MCU: variants seen among roughly 807,000 people sequenced by gnomAD.
MCU encodes mitochondrial calcium uniporter.
In MCU, 12 loss-of-function variants were observed where a neutral mutation model predicts 45.2. The observed-to-expected ratio is 0.27, with a 90% CI of 0.17 to 0.43. The LOEUF is 0.43. Among genes scored for constraint, MCU ranks in the 20% least tolerant of loss-of-function variants. MCU has a pLI of 1.00. For missense variants in MCU, 324 were observed against 436.7 expected (o/e 0.74, Z 2.30); for synonymous variants, 160 against 165.1 (o/e 0.97, Z 0.24).
intron 2 of MCU, among the ~76,000 whole-genome samples, chr10:72,844,166 CA>C (rs1445237048): frequency 1.3e-5 from 2 of 152,110 alleles, no homozygotes; most frequent in African/African-American, 4.8e-5. Flanking sequence ...GCGGGCAGAT[CA>C]CCTTAGGTCA....
intron 2 of MCU, among the ~76,000 whole-genome samples, chr10:72,844,337 C>T (rs1178274844): frequency 1.3e-5 from 2 of 151,732 alleles, no homozygotes; most frequent in African/African-American, 2.4e-5. Flanking sequence ...CAGTGAGCCA[C>T]GATTGTGCCA....
chr10:72,878,427 G>A (rs948902637), intron 6 of MCU, among the ~76,000 whole-genome samples: 1 of 151,834 alleles, frequency 6.6e-6, no homozygotes, highest in African/African-American at 2.4e-5. Flanking sequence ...GGCCAGTTTT[G>A]CAGATATTAA....
intron 1 of MCU, among the ~76,000 whole-genome samples, chr10:72,719,847 C>A (rs1842998584): frequency 6.6e-6 from 1 of 152,134 alleles, no homozygotes; most frequent in Admixed American, 6.6e-5. Context: ...CTTATTCATT[C>A]TTTTAATTAT....
intron 1 of MCU, among the ~76,000 whole-genome samples, chr10:72,830,703 C>T (rs1844866142): frequency 6.6e-6 from 1 of 152,112 alleles, no homozygotes; most frequent in Non-Finnish European, 1.5e-5. Flanking sequence ...AATACAGACC[C>T]CATCTTCAGC....
At chr10:72,847,462 A>C (rs1342653256) in intron 2 of MCU, among the ~76,000 whole-genome samples, 2 of 152,220 alleles carry the variant, frequency 1.3e-5, no homozygotes, top group African/African-American at 4.8e-5. Context: ...GCCCCCAGTC[A>C]AAAGCCAGAA....
chr10:72,714,739 T>A (rs1842937627), intron 1 of MCU, among the ~76,000 whole-genome samples: 1 of 151,982 alleles, frequency 6.6e-6, no homozygotes. Flanking sequence ...AGACGGGGTG[T>A]CTCCATGTTG....
chr10:72,803,373 T>TA (rs966679457), intron 1 of MCU, among the ~76,000 whole-genome samples: 1 of 151,648 alleles, frequency 6.6e-6, no homozygotes, highest in Admixed American at 6.6e-5. Context: ...AACTTTCATT[T>TA]AAAAATGCAG....
At chr10:72,788,653 AC>A (rs1373374941) in intron 1 of MCU, among the ~76,000 whole-genome samples, 1 of 152,014 alleles carries the variant, frequency 6.6e-6, no homozygotes, top group Non-Finnish European at 1.5e-5. Flanking sequence ...AAAAACAAAA[AC>A]CACAAACTAG....
intron 1 of MCU, among the ~76,000 whole-genome samples, chr10:72,796,145 A>G (rs1253805685): frequency 6.6e-6 from 1 of 152,004 alleles, no homozygotes; most frequent in African/African-American, 2.4e-5. Flanking sequence ...TCAAAGAGAA[A>G]CCTTTAAAAC....
At chr10:72,864,155 G>A (rs1185044016) in intron 4 of MCU, among the ~76,000 whole-genome samples, 1 of 152,182 alleles carries the variant, frequency 6.6e-6, no homozygotes, top group Non-Finnish European at 1.5e-5. Flanking sequence ...AAACTCAAGT[G>A]TTTTTAATAT....
chr10:72,692,539 C>T (rs1842636172), intron 1 of MCU: 2 of 1,067,874 alleles, frequency 1.9e-6, no homozygotes, highest in African/African-American at 1.7e-5. Context: ...GATGTTCCCG[C>T]AGGACTGGGG....
At chr10:72,786,933 T>C (rs1434933930) in intron 1 of MCU, among the ~76,000 whole-genome samples, 1 of 152,150 alleles carries the variant, frequency 6.6e-6, no homozygotes, top group East Asian at 1.9e-4. Flanking sequence ...TTTTCCACTC[T>C]CTCTTATGAA....
chr10:72,790,706 G>A (rs1461613746), intron 1 of MCU, among the ~76,000 whole-genome samples: 1 of 152,106 alleles, frequency 6.6e-6, no homozygotes, highest in East Asian at 1.9e-4. Context: ...TGTATCTAGG[G>A]AAGGCTGGTG....
intron 1 of MCU, among the ~76,000 whole-genome samples, chr10:72,771,263 C>A (rs1589452193): frequency 1.3e-5 from 2 of 152,270 alleles, no homozygotes; most frequent in African/African-American, 4.8e-5. Context: ...TATTGTTCAA[C>A]TCCCACTTAT....
intron 1 of MCU, among the ~76,000 whole-genome samples, chr10:72,779,170 A>G (rs978617495): frequency 9.2e-5 from 14 of 152,264 alleles, no homozygotes; most frequent in African/African-American, 3.1e-4. Flanking sequence ...GGGTTTCACC[A>G]TATTGGCCAG....
At chr10:72,869,320 C>T (rs1326648513) in intron 5 of MCU, among the ~76,000 whole-genome samples, 1 of 152,236 alleles carries the variant, frequency 6.6e-6, no homozygotes, top group Non-Finnish European at 1.5e-5. Flanking sequence ...CGTGGTGGCT[C>T]ACGCCTGTAA....
At chr10:72,734,473 A>C (rs1402380540) in intron 1 of MCU, among the ~76,000 whole-genome samples, 1 of 152,220 alleles carries the variant, frequency 6.6e-6, no homozygotes, top group East Asian at 1.9e-4. Flanking sequence ...CTACTGGCCT[A>C]GTTAAAATTA....
At chr10:72,795,941 T>C (rs998826822) in intron 1 of MCU, among the ~76,000 whole-genome samples, 2 of 151,684 alleles carry the variant, frequency 1.3e-5, no homozygotes, top group African/African-American at 4.8e-5. Flanking sequence ...GAGGTTGCAG[T>C]CAGCTGAGAT....
At chr10:72,820,361 A>G (rs1844692314) in intron 1 of MCU, among the ~76,000 whole-genome samples, 1 of 152,166 alleles carries the variant, frequency 6.6e-6, no homozygotes, top group African/African-American at 2.4e-5. Flanking sequence ...GGAAATAGAT[A>G]GTTTTGATAT....
Sources: gnomAD v4.1 joint callset for allele counts (sites outside exome capture counted in the v4.1 genomes callset) on GRCh38, gnomAD v4.1.1 for gene constraint, MANE v1.5 for transcripts, NCBI Gene and HGNC (gene_info 2026-07-23, HGNC 2026-07-21) for gene names.